Variants in EBF1 observed in about 807,000 individuals in gnomAD.
EBF1 encodes the protein transcription factor COE1.
EBF1 carries 10 observed loss-of-function variants against 68.4 expected under a neutral mutation model. The ratio of observed to expected loss-of-function variants is 0.15; its 90% CI spans 0.09 to 0.25. The LOEUF (loss-of-function observed/expected upper bound fraction) is 0.25. EBF1 is among the 10% of genes least tolerant of loss of function. The probability of loss-of-function intolerance (pLI) is 1.00; values close to 1 mark genes in which losing one functional copy is unlikely to be tolerated. For missense variants in EBF1, 509 were observed against 794.4 expected (o/e 0.64, Z 4.32); for synonymous variants, 298 against 299.8 (o/e 0.99, Z 0.06).
At chr5:158,734,623 G>A (rs1417068398) in intron 10 of EBF1, among the ~76,000 whole-genome samples, 1 of 152,070 alleles carries the variant, frequency 6.6e-6, no homozygotes, top group African/African-American at 2.4e-5. Flanking sequence ...TCAACAAAGT[G>A]ACCTCATTGT....
intron 6 of EBF1, among the ~76,000 whole-genome samples, chr5:158,993,099 T>A (rs1275056822): frequency 1.3e-5 from 2 of 151,340 alleles, no homozygotes; most frequent in African/African-American, 4.9e-5. Context: ...CAGCTAATTT[T>A]TTTGTATTTT....
intron 6 of EBF1, among the ~76,000 whole-genome samples, chr5:158,866,442 G>GTA (rs1436322546): frequency 6.6e-6 from 1 of 152,080 alleles, no homozygotes; most frequent in Non-Finnish European, 1.5e-5. Flanking sequence ...CTCTGATCGG[G>GTA]TACTGTCCAA....
rs188689026 is a variant in EBF1 at position 158,853,762 on chromosome 5, A to T, written c.555-13652T>A. ...TTAAGTCTATCACATGCACACGCGC[A>T]CACACACTCACATACACATACATTT... On this transcript the variant is annotated intron_variant, in intron 6 of 15. Transcript: ENST00000313708. Among the ~76,000 whole-genome samples the T allele has an allele frequency of 2.4e-3, 360 of 152,354 alleles. 2 individuals are homozygous for T. The highest frequency in any genetic ancestry group is 7.6e-3 in the African/African-American group (316 of 41,584).
intron 10 of EBF1, among the ~76,000 whole-genome samples, chr5:158,737,031 C>G (rs1438254794): frequency 2.0e-5 from 3 of 152,110 alleles, no homozygotes; most frequent in Non-Finnish European, 4.4e-5. Context: ...CTAAGAAACC[C>G]AACACCAAAT....
chr5:158,795,775 G>A lies in EBF1; in HGVS notation c.909+570C>T, dbSNP rs534312381. On this transcript the variant is annotated intron_variant, in intron 9 of 15. Transcript: ENST00000313708. The stretch of plus-strand genomic sequence containing the variant: ...CAATTAGAACATAGTCATTTTCATG[G>A]GGTTGCAGTCACACACTGAGATGCT... Among the ~76,000 whole-genome samples, 13 of 152,234 alleles carry A rather than the reference G, an allele frequency of 8.5e-5. No individual in the cohort carries two copies. The East Asian group carries it at 2.5e-3, about 29-fold the overall frequency.
chr5:158,737,768 A>G (rs1201747266), intron 10 of EBF1, among the ~76,000 whole-genome samples: 3 of 152,174 alleles, frequency 2.0e-5, no homozygotes, highest in Admixed American at 2.0e-4. Flanking sequence ...GAAAAGGCTG[A>G]AGACAGAAGG....
chr5:158,741,673 G>C (rs183134303), intron 10 of EBF1, among the ~76,000 whole-genome samples: 19 of 151,680 alleles, frequency 1.3e-4, no homozygotes, highest in Admixed American at 1.1e-3. Flanking sequence ...AAGTATCACT[G>C]TTTCCCTCAA....
Position 158,969,916 on chromosome 5 carries a change from G to GAAAA in EBF1, c.554+103476_554+103479dup, listed in dbSNP as rs61157554. Among the ~76,000 whole-genome samples the GAAAA allele has an allele frequency of 1.4e-4, 11 of 80,098 alleles. 1 individual carries two copies. The highest frequency in any genetic ancestry group is 7.8e-4 in the East Asian group (2 of 2,568). The allele number at this position is 80,098 out of a possible 152,430, so 52.5% of individuals were successfully genotyped here. On this transcript the variant is annotated intron_variant, in intron 6 of 15. Coordinates refer to ENST00000313708, the MANE Select transcript of EBF1 (RefSeq NM_024007.5). ...AGAAAGAAAGAAAGAAAGAAAGAAA[G>GAAAA]AAAAAAAAAAAAAAGGCTGCTGGAA... is the stretch of plus-strand genomic sequence containing the variant.
At chr5:158,881,221 A>G (rs560694373) in intron 6 of EBF1, among the ~76,000 whole-genome samples, 112 of 152,268 alleles carry the variant, frequency 7.4e-4, no homozygotes, top group African/African-American at 2.6e-3. Flanking sequence ...TGCCCTGCCA[A>G]TCAAACTCAA....
intron 10 of EBF1, among the ~76,000 whole-genome samples, chr5:158,763,805 A>G (rs971907485): frequency 6.6e-6 from 1 of 152,200 alleles, no homozygotes; most frequent in East Asian, 1.9e-4. Context: ...AAATCCATTT[A>G]TATGTGATCT....
intron 6 of EBF1, among the ~76,000 whole-genome samples, chr5:159,009,780 A>C: frequency 6.6e-6 from 1 of 152,068 alleles, no homozygotes; most frequent in African/African-American, 2.4e-5. Context: ...TCAAAAAAAA[A>C]AAAAAAGCAA....
intron 6 of EBF1, among the ~76,000 whole-genome samples, chr5:158,999,770 G>A (rs912168623): frequency 6.6e-6 from 1 of 152,092 alleles, no homozygotes; most frequent in Non-Finnish European, 1.5e-5. Context: ...ACATTTTAAC[G>A]AAGCCTCTAT....
At chr5:158,819,243 T>C (rs1424009079) in intron 8 of EBF1, among the ~76,000 whole-genome samples, 1 of 152,276 alleles carries the variant, frequency 6.6e-6, no homozygotes, top group Non-Finnish European at 1.5e-5. Flanking sequence ...TTTGCATAAA[T>C]GCTGCCTGTG....
At chr5:158,703,225 T>A (rs908449762) in intron 15 of EBF1, among the ~76,000 whole-genome samples, 2 of 152,190 alleles carry the variant, frequency 1.3e-5, no homozygotes, top group Non-Finnish European at 2.9e-5. Context: ...GACTCAAGTC[T>A]TTGGCTCTGG....
At chr5:158,737,552 G>A (rs1765487001) in intron 10 of EBF1, among the ~76,000 whole-genome samples, 1 of 151,976 alleles carries the variant, frequency 6.6e-6, no homozygotes, top group Non-Finnish European at 1.5e-5. Context: ...CCAAAGTGCT[G>A]GGATTACAAC....
chr5:158,958,250 G>C (rs570136663), intron 6 of EBF1, among the ~76,000 whole-genome samples: 1 of 152,142 alleles, frequency 6.6e-6, no homozygotes, highest in Non-Finnish European at 1.5e-5. Flanking sequence ...CAGCATGATT[G>C]CTTCATGGCA....
chr5:158,950,711 T>A (rs1265413343), intron 6 of EBF1, among the ~76,000 whole-genome samples: 1 of 152,178 alleles, frequency 6.6e-6, no homozygotes, highest in Non-Finnish European at 1.5e-5. Flanking sequence ...GCGGGAACCA[T>A]CTGAAATCTC....
At chr5:158,966,551 T>C (rs896004717) in intron 6 of EBF1, among the ~76,000 whole-genome samples, 8 of 152,162 alleles carry the variant, frequency 5.3e-5, no homozygotes, top group Non-Finnish European at 8.8e-5. Flanking sequence ...TAAACTGGAA[T>C]TGGCGATAAA....
intron 6 of EBF1, among the ~76,000 whole-genome samples, chr5:158,964,347 G>A (rs532974100): frequency 2.6e-5 from 4 of 152,294 alleles, no homozygotes; most frequent in Non-Finnish European, 5.9e-5. Context: ...CTTTAAAGCA[G>A]AAGAGTGATG....
Sources: allele counts gnomAD v4.1 joint callset (sites outside exome capture counted in the v4.1 genomes callset), GRCh38; gene constraint gnomAD v4.1.1; transcripts MANE v1.5; gene names NCBI Gene and HGNC (gene_info 2026-07-23, HGNC 2026-07-21).